The following CD109 variants were observed in gnomAD, a reference collection of about 807,000 sequenced individuals.
CD109 encodes CD109 antigen.
In CD109, 149 loss-of-function variants were observed where a neutral mutation model predicts 165.8. The observed-to-expected ratio is 0.90, with a 90% confidence interval of 0.79 to 1.03. The LOEUF is 1.03. CD109 is among the 50% of genes least tolerant of loss of function. The pLI, the probability that CD109 is intolerant of heterozygous loss-of-function variation, is 0.00. For missense variants in CD109, 1,712 were observed against 1,677.8 expected (o/e 1.02, Z -0.36); for synonymous variants, 585 against 592.1 (o/e 0.99, Z 0.18).
intron 23 of CD109, among the ~76,000 whole-genome samples, chr6:73,796,281 G>A (rs999680927): frequency 1.3e-5 from 2 of 152,180 alleles, no homozygotes; most frequent in African/African-American, 4.8e-5. Context: ...AGGGTCCTGG[G>A]TGATCTGGCT....
intron 5 of CD109, among the ~76,000 whole-genome samples, chr6:73,739,360 T>C (rs1181593067): frequency 6.6e-6 from 1 of 152,224 alleles, no homozygotes; most frequent in African/African-American, 2.4e-5. Context: ...GGCTTTTGTT[T>C]TTCTTTGACT....
chr6:73,772,540 C>G (rs2150237198), intron 15 of CD109, among the ~76,000 whole-genome samples: 1 of 150,088 alleles, frequency 6.7e-6, no homozygotes, highest in African/African-American at 2.4e-5. Flanking sequence ...AATTACAGTT[C>G]CCATTGAATC....
At chr6:73,822,686 G>A (rs1387725556) in intron 32 of CD109, among the ~76,000 whole-genome samples, 1 of 152,076 alleles carries the variant, frequency 6.6e-6, no homozygotes, top group Non-Finnish European at 1.5e-5. Context: ...TTCAGTCTAT[G>A]CAAATTTTTA....
At chr6:73,790,361 G>A (rs1247828622) in intron 22 of CD109, among the ~76,000 whole-genome samples, 3 of 152,094 alleles carry the variant, frequency 2.0e-5, no homozygotes, top group African/African-American at 4.8e-5. Context: ...CTCCCAAAGT[G>A]CCAGGATTAC....
chr6:73,823,312 A>G (rs573589044), intron 32 of CD109, 146 bp from the exon 33 acceptor site: 1 of 639,670 alleles, frequency 1.6e-6, no homozygotes, highest in South Asian at 2.3e-5. Flanking sequence ...ACTCTTGGAC[A>G]TTTCAGTTGT....
At chr6:73,720,223 G>T (rs553503841) in intron 2 of CD109, among the ~76,000 whole-genome samples, 1 of 152,224 alleles carries the variant, frequency 6.6e-6, no homozygotes, top group African/African-American at 2.4e-5. Flanking sequence ...TGACATGGAT[G>T]AACTTGGAGG....
intron 23 of CD109, among the ~76,000 whole-genome samples, chr6:73,799,885 T>C (rs921295002): frequency 5.3e-4 from 80 of 149,840 alleles, no homozygotes; most frequent in African/African-American, 1.9e-3. Flanking sequence ...AAAGACAGGG[T>C]GTCTCCCTTT....
intron 2 of CD109, among the ~76,000 whole-genome samples, chr6:73,703,051 G>C (rs1391361029): frequency 1.3e-5 from 2 of 152,174 alleles, no homozygotes; most frequent in Non-Finnish European, 2.9e-5. Context: ...TGATGAAGTA[G>C]ATACTCTTGT....
Position 73,815,123 on chromosome 6 carries a change from G to C in CD109, c.3911G>C (p.Ser1304Thr). ...CATGTGGATTTGAATGTGTGTACAA[G>C]GTAAGTGTCTGCTTAGGTCTCTCTT... ...LNHVDLNVCT[S>T]FSGPGRSGMA... Residue 1304 changes from serine (S) to threonine (T), a missense_variant and splice_region_variant, in exon 30 of 33, where the codon AGC (serine) becomes ACC (threonine). Ser to Thr is a moderately conservative substitution (Grantham distance 58). Transcript: ENST00000287097. 1 of 1,575,358 alleles carries C rather than the reference G, an allele frequency of 6.3e-7. No individual in the cohort carries two copies. Among genetic ancestry groups the C allele is most frequent in the Non-Finnish European group, 8.6e-7 (1 of 1,167,864 alleles).
At chr6:73,687,311 A>T in the CD109 span, among the ~76,000 whole-genome samples, 4 of 152,100 alleles carry the variant, frequency 2.6e-5, no homozygotes, top group Admixed American at 2.0e-4. Flanking sequence ...ACTAAAAAAA[A>T]CCATGCATGA....
chr6:73,799,634 G>A (rs1775292859), intron 23 of CD109, among the ~76,000 whole-genome samples: 1 of 152,068 alleles, frequency 6.6e-6, no homozygotes. Flanking sequence ...ACTTTTAAAT[G>A]ACCAGATCTT....
chr6:73,679,230 C>T, the CD109 span, among the ~76,000 whole-genome samples: 2 of 152,094 alleles, frequency 1.3e-5, no homozygotes, highest in South Asian at 2.1e-4. Flanking sequence ...GTGTGAACAA[C>T]GCAGGCTCAG....
intron 16 of CD109, 56 bp downstream of exon 16, chr6:73,780,554 CT>C: frequency 8.9e-7 from 1 of 1,118,178 alleles, no homozygotes; most frequent in African/African-American, 1.6e-5. Context: ...ATTGCAAACC[CT>C]TTCAGAATTA....
At chr6:73,734,879 A>G (rs1356391405) in intron 4 of CD109, among the ~76,000 whole-genome samples, 1 of 152,218 alleles carries the variant, frequency 6.6e-6, no homozygotes, top group Non-Finnish European at 1.5e-5. Flanking sequence ...ATTTTTGGCA[A>G]AATAAAATAT....
intron 3 of CD109, among the ~76,000 whole-genome samples, chr6:73,727,888 G>A (rs1014019995): frequency 7.9e-5 from 12 of 152,130 alleles, no homozygotes; most frequent in African/African-American, 2.9e-4. Flanking sequence ...AAGAGTCTGA[G>A]GACTGAAGTA....
At chr6:73,706,189 T>C (rs552979465) in intron 2 of CD109, among the ~76,000 whole-genome samples, 1 of 152,318 alleles carries the variant, frequency 6.6e-6, no homozygotes, top group South Asian at 2.1e-4. Flanking sequence ...ATTTACCGAC[T>C]TGTAAATTGC....
In CD109 at chr6:73,823,570, T is replaced by C; in HGVS notation, c.4275T>C (p.His1425=). ...PCEDGASGSH[H]HSSVIFIFCF... The stretch of plus-strand genomic sequence containing the variant: ...AGGATGGAGCTTCAGGCTCCCATCA[T>C]CACTCTTCAGTCATTTTTATTTTCT... Residue 1425 remains histidine, a synonymous_variant, in exon 33 of 33, where the codon CAT becomes CAC. Transcript: ENST00000287097. The C allele has an allele frequency of 6.2e-7, 1 of 1,613,932 alleles. No individual in the cohort carries two copies. The highest frequency in any genetic ancestry group is 2.2e-5 in the East Asian group (1 of 44,880).
At chr6:73,754,666 GA>G (rs1224441158) in intron 5 of CD109, among the ~76,000 whole-genome samples, 1 of 152,136 alleles carries the variant, frequency 6.6e-6, no homozygotes, top group African/African-American at 2.4e-5. Flanking sequence ...CACATTTATT[GA>G]GCACTTATTT....
At chr6:73,693,751 ATTTT>A (rs1770731578), upstream of CD109, among the ~76,000 whole-genome samples, 1 of 152,044 alleles carries the variant, frequency 6.6e-6, no homozygotes, top group Non-Finnish European at 1.5e-5. Context: ...GGGTTTCACC[ATTTT>A]GGCCAGGCTG....
Sources: allele counts gnomAD v4.1 joint callset (sites outside exome capture counted in the v4.1 genomes callset), GRCh38; gene constraint gnomAD v4.1.1; transcripts MANE v1.5; gene names NCBI Gene and HGNC (gene_info 2026-07-23, HGNC 2026-07-21).